The following TCF4 variants were observed in gnomAD, a reference collection of about 807,000 sequenced individuals.
TCF4 encodes the protein transcription factor 4.
In TCF4, 3 loss-of-function variants were observed where a neutral mutation model predicts 82.1. That is an observed-to-expected ratio of 0.04 (90% CI 0.02 to 0.09). The LOEUF is 0.09. TCF4 is among the 10% of genes least tolerant of loss of function. The pLI is 1.00. For synonymous variants in TCF4, 276 were observed against 309.6 expected, an observed-to-expected ratio of 0.89 and a Z score of 1.14; for missense variants, 518 against 852.7, an observed-to-expected ratio of 0.61 and a Z score of 4.89.
chr18:55,566,442 C>T (rs1049956482), intron 3 of TCF4, among the ~76,000 whole-genome samples: 1 of 151,854 alleles, frequency 6.6e-6, no homozygotes, highest in Non-Finnish European at 1.5e-5. Flanking sequence ...TAAATAAATA[C>T]ATATAATACA....
chr18:55,404,718 G>C (rs1252225064), intron 5 of TCF4, among the ~76,000 whole-genome samples: 3 of 152,076 alleles, frequency 2.0e-5, no homozygotes, highest in African/African-American at 7.2e-5. Context: ...ATGCCTTCCT[G>C]ACCCCACACA....
At chr18:55,252,516 G>A (rs2055543816) in intron 15 of TCF4, among the ~76,000 whole-genome samples, 1 of 151,936 alleles carries the variant, frequency 6.6e-6, no homozygotes, top group African/African-American at 2.4e-5. Context: ...AATAATTCTA[G>A]TCTTTTCCTC....
chr18:55,511,331 T>TAAA (rs59685050), intron 3 of TCF4, among the ~76,000 whole-genome samples: 5,020 of 131,266 alleles, frequency 0.038, 172 homozygotes, highest in Non-Finnish European at 0.049. Context: ...TCCAAAAGTT[T>TAAA]AAAAAAAAAA....
At chr18:55,264,158 A>T (rs969676681) in intron 11 of TCF4, among the ~76,000 whole-genome samples, 3 of 152,206 alleles carry the variant, frequency 2.0e-5, no homozygotes, top group Admixed American at 2.0e-4. Flanking sequence ...CACCTTTCTA[A>T]CTAAACATTC....
intron 6 of TCF4, among the ~76,000 whole-genome samples, chr18:55,378,307 AT>A (rs2091247651): frequency 6.6e-6 from 1 of 152,190 alleles, no homozygotes; most frequent in Non-Finnish European, 1.5e-5. Flanking sequence ...ATTAGACAAC[AT>A]TTACTGAGCA....
At chr18:55,603,585 ATAGT>A (rs978104530) in intron 2 of TCF4, among the ~76,000 whole-genome samples, 1 of 152,224 alleles carries the variant, frequency 6.6e-6, no homozygotes, top group African/African-American at 2.4e-5. Context: ...GATTGTTAAA[ATAGT>A]TAATAACAGG....
chr18:55,349,407 C>A (rs990777637), intron 8 of TCF4, among the ~76,000 whole-genome samples: 5 of 151,964 alleles, frequency 3.3e-5, no homozygotes, highest in African/African-American at 1.2e-4. Flanking sequence ...AACTAATATG[C>A]AAGCATTGAT....
intron 5 of TCF4, chr18:55,403,921 G>C: frequency 5.0e-6 from 7 of 1,408,986 alleles, no homozygotes; most frequent in Non-Finnish European, 6.5e-6. Flanking sequence ...ACACTTAATA[G>C]TGAGGCCAAA....
chr18:55,350,930 T>A lies in TCF4; in HGVS notation c.443A>T (p.Tyr148Phe), dbSNP rs1340987314. The change falls in exon 7 of 20, where the codon TAC becomes TTC. Residue 148 changes from tyrosine (Y) to phenylalanine (F), a missense_variant. Physicochemically the swap from Tyr to Phe is conservative, Grantham distance 22 (BLOSUM62 3). Around this residue, in one of 7 missense-constraint regions of TCF4, gnomAD observed 211 missense variants for 327.4 expected, o/e 0.64. Coordinates refer to ENST00000354452, the MANE Select transcript of TCF4 (RefSeq NM_001083962.2). ...GGGATTATTGCTAGAATACTGATAG[T>A]ACTGGGAACCAGGTTTGGTGGGCGA... Reference protein sequence around the residue: ...TLSPTKPGSQYYQYSSNNPRR... With the variant: ...TLSPTKPGSQFYQYSSNNPRR... 6.2e-7 allele frequency: 1 copy of A among 1,613,660 alleles called. No homozygotes were observed. Among genetic ancestry groups the A allele is most frequent in the Admixed American group, 1.7e-5 (1 of 59,990 alleles).
intron 17 of TCF4, chr18:55,231,992 CTGCAGTTGTG>C (rs1360630281): frequency 6.6e-6 from 1 of 152,574 alleles, no homozygotes; most frequent in Non-Finnish European, 1.5e-5. Context: ...AGCTATTTTC[CTGCAGTTGTG>C]TTTTCTGTAG....
At chr18:55,504,252 A>C (rs999103657) in intron 3 of TCF4, among the ~76,000 whole-genome samples, 1 of 152,202 alleles carries the variant, frequency 6.6e-6, no homozygotes, top group African/African-American at 2.4e-5. Context: ...AAACGTATAC[A>C]TGGGAGAAAA....
intron 8 of TCF4, among the ~76,000 whole-genome samples, chr18:55,285,182 C>T (rs939036655): frequency 2.0e-5 from 3 of 152,122 alleles, no homozygotes; most frequent in East Asian, 1.9e-4. Context: ...ACACAGCATC[C>T]GGACAGTACA....
upstream of TCF4, chr18:55,589,473 G>C: frequency 9.5e-7 from 1 of 1,055,118 alleles, no homozygotes; most frequent in African/African-American, 1.7e-5. Flanking sequence ...ACCTGGCTCT[G>C]GTTTTTGCAT....
chr18:55,392,655 AG>A (rs1389914368), intron 6 of TCF4, among the ~76,000 whole-genome samples: 4 of 152,094 alleles, frequency 2.6e-5, no homozygotes, highest in African/African-American at 2.4e-5. Flanking sequence ...CCCTCGGTCC[AG>A]TTATACACAG....
At chr18:55,409,411 T>C (rs1330376827) in intron 5 of TCF4, among the ~76,000 whole-genome samples, 2 of 152,164 alleles carry the variant, frequency 1.3e-5, no homozygotes, top group Admixed American at 6.5e-5. Flanking sequence ...TCTCACTATG[T>C]TACCCAAGGT....
intron 8 of TCF4, among the ~76,000 whole-genome samples, chr18:55,311,500 T>C (rs2072437862): frequency 2.0e-5 from 3 of 152,240 alleles, no homozygotes; most frequent in African/African-American, 7.2e-5. Flanking sequence ...TAAAGATATA[T>C]GTTTGTAATC....
chr18:55,505,336 A>T (rs2096742553), intron 3 of TCF4, among the ~76,000 whole-genome samples: 1 of 152,218 alleles, frequency 6.6e-6, no homozygotes, highest in Non-Finnish European at 1.5e-5. Context: ...ATATATTATT[A>T]TATTACTATC....
At chr18:55,630,342 A>G (rs1260885015) in intron 2 of TCF4, among the ~76,000 whole-genome samples, 1 of 152,230 alleles carries the variant, frequency 6.6e-6, no homozygotes, top group Non-Finnish European at 1.5e-5. Flanking sequence ...CATTATCATG[A>G]AAAATAAAAA....
chr18:55,495,432 G>T (rs2096624327), intron 3 of TCF4, among the ~76,000 whole-genome samples: 1 of 151,932 alleles, frequency 6.6e-6, no homozygotes, highest in African/African-American at 2.4e-5. Context: ...AGATGTGAAA[G>T]AACTTTAGAA....
Sources: allele counts gnomAD v4.1 joint callset (sites outside exome capture counted in the v4.1 genomes callset), GRCh38; gene constraint gnomAD v4.1.1; regional missense constraint gnomAD v4.1.1; transcripts MANE v1.5; gene names NCBI Gene and HGNC (gene_info 2026-07-23, HGNC 2026-07-21).